Variants in ZNF41 observed in about 807,000 individuals in gnomAD.
The protein encoded by ZNF41 is zinc finger protein 41.
A neutral mutation model predicts 9.3 loss-of-function variants in ZNF41; 6 were observed. The ratio of observed to expected loss-of-function variants is 0.65; its 90% CI spans 0.35 to 1.28. The LOEUF is 1.28. Ranked by LOEUF, ZNF41 falls within the 50% of genes most tolerant of loss-of-function variation. ZNF41 has a pLI of 0.03. For synonymous variants in ZNF41, 192 were observed against 207.1 expected, an observed-to-expected ratio of 0.93 and a Z score of 0.63; for missense variants, 523 against 585.8, an observed-to-expected ratio of 0.89 and a Z score of 1.11.
Position 47,447,601 on chromosome X carries a change from T to A in ZNF41, c.2169A>T (p.Lys723Asn). 1 of 1,211,795 alleles carries A rather than the reference T, an allele frequency of 8.3e-7. No individual in the cohort carries two copies. Residue 723 changes from lysine to asparagine, a missense_variant, in exon 5 of 5, where the codon AAA becomes AAT. Coordinates refer to ENST00000684689, the MANE Select transcript of ZNF41 (RefSeq NM_001324144.2). Reference sequence around the variant, plus strand: ...CTTTCTGGATGAAAGCTTTCCCACATTTACTACATTCATAGTGTCTTTCTC... The same window carrying A: ...CTTTCTGGATGAAAGCTTTCCCACAATTACTACATTCATAGTGTCTTTCTC... Reference protein sequence around the residue: ...HTGERHYECSKCGKAFIQKAT... With the variant: ...HTGERHYECSNCGKAFIQKAT...
chrX:47,474,731 A>G (rs2057286689), intron 1 of ZNF41, among the ~76,000 whole-genome samples: 1 of 108,814 alleles, frequency 9.2e-6, no homozygotes. Flanking sequence ...TTTAGAAAGT[A>G]GCCAGGCATG....
At chrX:47,472,410 G>T (rs1208813337) in intron 1 of ZNF41, among the ~76,000 whole-genome samples, 1 of 103,173 alleles carries the variant, frequency 9.7e-6, no homozygotes, top group Non-Finnish European at 2.0e-5. Flanking sequence ...AATGCCATAT[G>T]ATTATGTTTA....
intron 4 of ZNF41, among the ~76,000 whole-genome samples, chrX:47,455,611 G>A (rs1348630060): frequency 9.0e-6 from 1 of 111,270 alleles, no homozygotes; most frequent in Non-Finnish European, 1.9e-5. Flanking sequence ...ACTAAGATGG[G>A]GGGCAGGGGT....
At chrX:47,456,514 T>C (rs902087216) in intron 2 of ZNF41, 116 bp from the exon 3 acceptor site, 5 of 1,052,169 alleles carry the variant, frequency 4.8e-6, no homozygotes, top group Non-Finnish European at 6.5e-6. Flanking sequence ...GGGTTTTCAC[T>C]AAGTACTTAG....
intron 1 of ZNF41, among the ~76,000 whole-genome samples, chrX:47,480,071 GGT>G: frequency 9.0e-6 from 1 of 110,646 alleles, no homozygotes; most frequent in Admixed American, 9.7e-5. Context: ...CTCCAGGCTA[GGT>G]GACAGCAGAG....
intron 1 of ZNF41, among the ~76,000 whole-genome samples, chrX:47,480,741 A>G (rs1048909683): frequency 9.3e-6 from 1 of 107,557 alleles, no homozygotes; most frequent in South Asian, 4.1e-4. Context: ...TCAATGGCCA[A>G]TAAGAATGAA....
intron 4 of ZNF41, among the ~76,000 whole-genome samples, chrX:47,453,433 T>C (rs1230000477): frequency 8.9e-6 from 1 of 112,446 alleles, no homozygotes. Flanking sequence ...ATGTCTCATC[T>C]GAATAGACAG....
chrX:47,474,886 A>C (rs2057292664), intron 1 of ZNF41, among the ~76,000 whole-genome samples: 1 of 105,408 alleles, frequency 9.5e-6, no homozygotes, highest in South Asian at 4.3e-4. Context: ...TAAAAAAAAA[A>C]AAAAAAAGAG....
At chrX:47,469,243 A>G (rs1359318664) in intron 1 of ZNF41, among the ~76,000 whole-genome samples, 7 of 90,948 alleles carry the variant, frequency 7.7e-5, no homozygotes, top group Admixed American at 2.6e-4. Context: ...CCCGGGAGGC[A>G]GAGCTTGCAG....
intron 1 of ZNF41, among the ~76,000 whole-genome samples, chrX:47,481,691 T>C (rs1367962781): frequency 8.9e-6 from 1 of 111,808 alleles, no homozygotes; most frequent in South Asian, 3.7e-4. Flanking sequence ...ACAAAACATG[T>C]GACACGGAGC....
Position 47,470,003 on chromosome X carries a change from A to G in ZNF41, c.-279-2243T>C, listed in dbSNP as rs140411402. On this transcript the variant is annotated intron_variant, in intron 1 of 4. Transcript: ENST00000684689. ...ATTTGGATTTAGTAATATAGAAAAT[A>G]TATACAATCATATTTGTAAGGAAGG... is the stretch of plus-strand genomic sequence containing the variant. Among the ~76,000 whole-genome samples, 25 of 112,008 alleles carry G rather than the reference A, an allele frequency of 2.2e-4. No homozygotes were observed. The East Asian group carries it at 6.1e-3, about 27-fold the overall frequency.
At chrX:47,472,433 C>CTTTTT (rs767484521) in intron 1 of ZNF41, among the ~76,000 whole-genome samples, 43 of 58,078 alleles carry the variant, frequency 7.4e-4, no homozygotes, top group East Asian at 1.3e-3. Flanking sequence ...AACATGGCTT[C>CTTTTT]TTTTTTTTTT....
intron 4 of ZNF41, among the ~76,000 whole-genome samples, chrX:47,453,058 G>A (rs969060412): frequency 3.6e-5 from 4 of 111,781 alleles, no homozygotes; most frequent in African/African-American, 1.3e-4. Context: ...CAAATTAATA[G>A]ATTTTTCTAT....
At chrX:47,474,396 G>A (rs1305304391) in intron 1 of ZNF41, among the ~76,000 whole-genome samples, 5 of 111,184 alleles carry the variant, frequency 4.5e-5, no homozygotes, top group Non-Finnish European at 9.5e-5. Flanking sequence ...GAACCCAGGA[G>A]GAGGTTGCAG....
intron 2 of ZNF41, among the ~76,000 whole-genome samples, chrX:47,462,473 G>A (rs184345418): frequency 1.4e-3 from 160 of 110,564 alleles, no homozygotes; most frequent in Non-Finnish European, 2.3e-3. Context: ...TACCTGGATC[G>A]CTCTAACTAT....
At chrX:47,471,049 T>C in intron 1 of ZNF41, among the ~76,000 whole-genome samples, 1 of 111,447 alleles carries the variant, frequency 9.0e-6, no homozygotes, top group Non-Finnish European at 1.9e-5. Flanking sequence ...GCTTTCACAT[T>C]TAGGTCCACA....
intron 2 of ZNF41, among the ~76,000 whole-genome samples, chrX:47,466,463 C>T (rs1189219064): frequency 9.0e-6 from 1 of 111,227 alleles, no homozygotes; most frequent in Non-Finnish European, 1.9e-5. Context: ...GACCTGGCTC[C>T]AGTCTAGTGT....
At chrX:47,480,237 T>C (rs2057438088) in intron 1 of ZNF41, among the ~76,000 whole-genome samples, 1 of 111,895 alleles carries the variant, frequency 8.9e-6, no homozygotes, top group Non-Finnish European at 1.9e-5. Context: ...GATACATATA[T>C]CAGAAGAACT....
At chrX:47,462,517 T>C (rs774416366) in intron 2 of ZNF41, among the ~76,000 whole-genome samples, 4 of 111,191 alleles carry the variant, frequency 3.6e-5, no homozygotes, top group Middle Eastern at 4.6e-3. Flanking sequence ...GACTGTCCTG[T>C]GTTCCCTTTG....
Sources: allele counts gnomAD v4.1 joint callset (sites outside exome capture counted in the v4.1 genomes callset), GRCh38; gene constraint gnomAD v4.1.1; transcripts MANE v1.5; gene names NCBI Gene and HGNC (gene_info 2026-07-23, HGNC 2026-07-21).